Variants in TNFSF15 observed in about 807,000 individuals in gnomAD.
TNFSF15 encodes TNF superfamily member 15, also known as tumor necrosis factor ligand superfamily member 15.
A neutral mutation model predicts 26.4 loss-of-function variants in TNFSF15; 15 were observed. The ratio of observed to expected loss-of-function variants is 0.57; its 90% CI spans 0.38 to 0.87. The LOEUF (loss-of-function observed/expected upper bound fraction) is 0.87. TNFSF15 is among the 40% of genes least tolerant of loss of function. TNFSF15 has a pLI of 0.00. For missense variants in TNFSF15, 290 were observed against 306.1 expected, an observed-to-expected ratio of 0.95 and a Z score of 0.39; for synonymous variants, 116 against 115.0, an observed-to-expected ratio of 1.01 and a Z score of -0.06.
At chr9:114,794,017 C>T (rs1829644560) in intron 1 of TNFSF15, among the ~76,000 whole-genome samples, 1 of 152,148 alleles carries the variant, frequency 6.6e-6, no homozygotes, top group African/African-American at 2.4e-5. Context: ...ACAATTCTTC[C>T]TTGTTTCTGT....
At chr9:114,793,424 C>A in intron 2 of TNFSF15, 102 bp downstream of exon 2, 1 of 1,394,846 alleles carries the variant, frequency 7.2e-7, no homozygotes, top group Non-Finnish European at 1.0e-6. Context: ...CTCAGCTTAG[C>A]AACTTGTACT....
At chr9:114,801,323 G>C (rs1829744608) in intron 1 of TNFSF15, among the ~76,000 whole-genome samples, 1 of 152,194 alleles carries the variant, frequency 6.6e-6, no homozygotes, top group African/African-American at 2.4e-5. Context: ...AGGGCCCAAA[G>C]AATGCCCAGC....
chr9:114,795,319 C>A (rs1312871762), intron 1 of TNFSF15, among the ~76,000 whole-genome samples: 1 of 152,164 alleles, frequency 6.6e-6, no homozygotes, highest in African/African-American at 2.4e-5. Context: ...ATTATATGAA[C>A]ACTTGATCTA....
rs568808241 is a variant in TNFSF15, at chr9:114,790,833, C to G, written c.375G>C (p.Leu125=). Residue 125 remains leucine, a synonymous_variant, in exon 4 of 4, where the codon CTG becomes CTC. Coordinates refer to ENST00000374045, the MANE Select transcript of TNFSF15 (RefSeq NM_005118.4). ...AGTTCATTCGGTTCTTGGTGAAGGC[C>G]AGGCCTAGTTCATGTTCCCAGTGCA... The part of the protein sequence containing the change: ...PALHWEHELG[L]AFTKNRMNYT... 6.2e-7 allele frequency: 1 copy of G among 1,614,082 alleles called. No individual in the cohort carries two copies. Among genetic ancestry groups the G allele is most frequent in the South Asian group, 1.1e-5 (1 of 91,068 alleles).
rs1398632627 is a variant in TNFSF15, at chr9:114,786,243, G to A, written c.*4209C>T. On this transcript the variant is annotated 3_prime_UTR_variant, in exon 4 of 4. Transcript: ENST00000374045. ...AACACTTCTAGGACTCTGGGCCATAGGAAAGCCAGAAATCTTAAGGCAAGA... is the reference window on the plus strand; with the variant it reads ...AACACTTCTAGGACTCTGGGCCATAAGAAAGCCAGAAATCTTAAGGCAAGA... 1 of 152,230 alleles carries A rather than the reference G, an allele frequency of 6.6e-6. No individual in the cohort carries two copies. Among genetic ancestry groups the A allele is most frequent in the Non-Finnish European group, 1.5e-5 (1 of 68,046 alleles). The allele number at this position is 152,230 out of a possible 1,614,324, so 9.4% of individuals were successfully genotyped here.
chr9:114,790,348 C>T lies in TNFSF15; in HGVS notation c.*104G>A, dbSNP rs1439022195. On this transcript the variant is annotated 3_prime_UTR_variant, in exon 4 of 4. Transcript: ENST00000374045. ...AACCGTTGTCCCTGTGGAATGCCCC[C>T]TACTCCCGGCCCCAAGAAAACCCCT... The T allele has an allele frequency of 8.3e-7, 1 of 1,204,658 alleles. No individual in the cohort carries two copies. The highest frequency in any genetic ancestry group is 2.3e-5 in the Admixed American group (1 of 43,062). 74.6% of individuals were successfully genotyped at this position (1,204,658 alleles called of 1,614,324 possible).
chr9:114,793,514 G>A lies in TNFSF15; in HGVS notation c.253+12C>T, dbSNP rs534547191. The A allele has an allele frequency of 5.6e-6, 9 of 1,613,582 alleles. No individual in the cohort carries two copies. The East Asian group carries it at 2.0e-4, about 36-fold the overall frequency. On this transcript the variant is annotated intron_variant, in intron 2 of 3. Transcript: ENST00000374045. ...CCCCACGAGGAAAGGCGTTGAAGAT[G>A]AGCATACTTACAAACTTGCTGATGT...
chr9:114,794,641 T>C (rs1174098729), intron 1 of TNFSF15, among the ~76,000 whole-genome samples: 2 of 152,026 alleles, frequency 1.3e-5, no homozygotes, highest in African/African-American at 4.8e-5. Context: ...TATCAAGATA[T>C]AGATGGAAGG....
rs1359025738 is a variant in TNFSF15 at position 114,805,834 on chromosome 9, C to CGGAGCT, written c.173_178dup (p.Gln58_Leu59dup). On this transcript the variant is annotated inframe_insertion, in exon 1 of 4. Coordinates refer to ENST00000374045, the MANE Select transcript of TNFSF15 (RefSeq NM_005118.4). Reference sequence around the variant, plus strand: ...CTGCACACAGGCCTCTCCCTGGGCCCGGAGCTGGCTGACAAGCAGGTATGT... The same window carrying CGGAGCT: ...CTGCACACAGGCCTCTCCCTGGGCCCGGAGCTGGAGCTGGCTGACAAGCAGGTATGT... 4 of 1,613,522 alleles carry CGGAGCT rather than the reference C, an allele frequency of 2.5e-6. No homozygotes were observed. In the African/African-American group the frequency reaches 5.3e-5, roughly 22 times the overall value.
intron 1 of TNFSF15, among the ~76,000 whole-genome samples, chr9:114,804,786 G>A (rs753102562): frequency 3.9e-5 from 6 of 152,340 alleles, no homozygotes; most frequent in African/African-American, 7.2e-5. Flanking sequence ...ATGGGGCAGC[G>A]AGAATTACAG....
At position 114,793,586 on chromosome 9, in the gene TNFSF15, A is replaced by G. The variant is rs1452416106; in HGVS notation, c.211-18T>C. ...TTTAGAGCCTATTGGGAAAGAAAGT[A>G]TAGTTTAGACCAACTGTGGTCCTTT... On this transcript the variant is annotated intron_variant, in intron 1 of 3. Coordinates refer to ENST00000374045, the MANE Select transcript of TNFSF15 (RefSeq NM_005118.4). 1 of 1,613,434 alleles carries G rather than the reference A, an allele frequency of 6.2e-7. No homozygotes were observed. The highest frequency in any genetic ancestry group is 1.1e-5 in the South Asian group (1 of 91,042).
chr9:114,801,765 T>C (rs1007865843), intron 1 of TNFSF15, among the ~76,000 whole-genome samples: 9 of 152,220 alleles, frequency 5.9e-5, no homozygotes, highest in African/African-American at 2.2e-4. Flanking sequence ...TACGTCTGTC[T>C]AATATTCTGC....
rs1022594909 is a variant in TNFSF15 at position 114,790,057 on chromosome 9, T to C, written c.*395A>G. On this transcript the variant is annotated 3_prime_UTR_variant, in exon 4 of 4. Transcript: ENST00000374045. Reference sequence around the variant, plus strand: ...TTGGACTTCCTTCAAAGCTCCTGAATTGAAGCAAATTTATGATCAAATTGA... The same window carrying C: ...TTGGACTTCCTTCAAAGCTCCTGAACTGAAGCAAATTTATGATCAAATTGA... 1.3e-5 allele frequency: 2 copies of C among 157,874 alleles called. No homozygotes were observed. The highest frequency in any genetic ancestry group is 4.8e-5 in the African/African-American group (2 of 41,552). The allele number at this position is 157,874 out of a possible 1,614,324, so 9.8% of individuals were successfully genotyped here.
At chr9:114,791,294 G>A (rs1469025116) in intron 3 of TNFSF15, 19 of 313,318 alleles carry the variant, frequency 6.1e-5, no homozygotes, top group Non-Finnish European at 6.2e-6. Flanking sequence ...ACTCATCGAT[G>A]CCTCTCTTGT....
intron 1 of TNFSF15, among the ~76,000 whole-genome samples, chr9:114,801,688 TGGTTA>T (rs1829751172): frequency 6.6e-6 from 1 of 152,248 alleles, no homozygotes; most frequent in Non-Finnish European, 1.5e-5. Context: ...TTAGGTAACA[TGGTTA>T]AGAAGTGTCT....
intron 3 of TNFSF15, 140 bp downstream of exon 3, chr9:114,792,255 ACACACACACACT>A: frequency 3.9e-6 from 3 of 765,528 alleles, no homozygotes; most frequent in East Asian, 2.8e-5. Context: ...ACACACACAC[ACACACACACACT>A]GGAATATTGA....
intron 1 of TNFSF15, among the ~76,000 whole-genome samples, chr9:114,796,965 C>A (rs896785827): frequency 1.3e-5 from 2 of 152,162 alleles, no homozygotes; most frequent in African/African-American, 2.4e-5. Context: ...CTATTGCCTT[C>A]CTTGATATTG....
In TNFSF15 at chr9:114,789,326, T is replaced by G. The variant is rs529433491; in HGVS notation, c.*1126A>C. Reference sequence around the variant, plus strand: ...GCTTGGAGTTATTATTTTATTTTTTTTTTTTTGGACAGAGTTTTGCTCTTG... The same window carrying G: ...GCTTGGAGTTATTATTTTATTTTTTGTTTTTTGGACAGAGTTTTGCTCTTG... On this transcript the variant is annotated 3_prime_UTR_variant, in exon 4 of 4. Coordinates refer to ENST00000374045, the MANE Select transcript of TNFSF15 (RefSeq NM_005118.4). 1 of 152,244 alleles carries G rather than the reference T, an allele frequency of 6.6e-6. No homozygotes were observed. Among genetic ancestry groups the G allele is most frequent in the Non-Finnish European group, 1.5e-5 (1 of 68,070 alleles). 9.4% of individuals were successfully genotyped at this position (152,244 alleles called of 1,614,324 possible). A position where few individuals can be genotyped will look rare whatever the true frequency, so the allele number is the denominator to read the frequency against.
At position 114,788,508 on chromosome 9, in the gene TNFSF15, A is replaced by G. The variant is rs111583277; in HGVS notation, c.*1944T>C. ...TTAATTTTTATTTAATTATAACTCA[A>G]TAAATATTAATGAAGTGCTCCTGCT... On this transcript the variant is annotated 3_prime_UTR_variant, in exon 4 of 4. Transcript: ENST00000374045. 1.8e-4 allele frequency: 28 copies of G among 152,276 alleles called. No individual in the cohort carries two copies. The highest frequency in any genetic ancestry group is 2.8e-4 in the Non-Finnish European group (19 of 68,042). 9.4% of individuals were successfully genotyped at this position (152,276 alleles called of 1,614,324 possible).
Sources: allele counts gnomAD v4.1 joint callset (sites outside exome capture counted in the v4.1 genomes callset), GRCh38; gene constraint gnomAD v4.1.1; transcripts MANE v1.5; gene names NCBI Gene and HGNC (gene_info 2026-07-23, HGNC 2026-07-21).